PTPRR: variants seen among roughly 807,000 people sequenced by gnomAD.
PTPRR encodes the protein protein tyrosine phosphatase receptor type R, also known as receptor-type tyrosine-protein phosphatase R.
A neutral mutation model predicts 77.2 loss-of-function variants in PTPRR; 38 were observed. The ratio of observed to expected loss-of-function variants is 0.49; its 90% CI spans 0.38 to 0.65. PTPRR has a LOEUF of 0.65. Among genes scored for constraint, PTPRR ranks in the 30% least tolerant of loss-of-function variants. The probability of loss-of-function intolerance (pLI) is 0.00; values close to 1 mark genes in which losing one functional copy is unlikely to be tolerated. For missense variants in PTPRR, 744 were observed against 799.2 expected, an observed-to-expected ratio of 0.93 and a Z score of 0.83; for synonymous variants, 299 against 283.1, an observed-to-expected ratio of 1.06 and a Z score of -0.57.
intron 6 of PTPRR, among the ~76,000 whole-genome samples, chr12:70,707,403 G>T (rs2097065269): frequency 6.6e-6 from 1 of 151,074 alleles, no homozygotes; most frequent in South Asian, 2.1e-4. Flanking sequence ...CAGAACCATT[G>T]CATATGATTT....
chr12:70,881,798 C>A (rs941343151), intron 2 of PTPRR, among the ~76,000 whole-genome samples: 1 of 152,110 alleles, frequency 6.6e-6, no homozygotes. Context: ...TGACAACATG[C>A]GTGTTTGTAT....
intron 2 of PTPRR, among the ~76,000 whole-genome samples, chr12:70,844,017 T>C (rs937669279): frequency 2.6e-5 from 4 of 151,926 alleles, no homozygotes; most frequent in Non-Finnish European, 5.9e-5. Context: ...GGTTTCATCA[T>C]GTTGGCCAGG....
chr12:70,903,266 A>G lies in PTPRR; in HGVS notation c.59-10289T>C, dbSNP rs534053280. On this transcript the variant is annotated intron_variant, in intron 1 of 13. Coordinates refer to ENST00000283228, the MANE Select transcript of PTPRR (RefSeq NM_002849.4). Reference sequence around the variant, plus strand: ...CATAAATTTGAAATGTCTCACCACAAAAATGCTAAACAAGTGAGGTGATAA... The same window carrying G: ...CATAAATTTGAAATGTCTCACCACAGAAATGCTAAACAAGTGAGGTGATAA... Among the ~76,000 whole-genome samples the G allele has an allele frequency of 1.4e-3, 220 of 152,012 alleles. 1 individual carries two copies. Among genetic ancestry groups the G allele is most frequent in the Non-Finnish European group, 2.5e-3 (170 of 67,844 alleles).
intron 2 of PTPRR, 110 bp from the exon 3 acceptor site, chr12:70,764,888 A>C (rs1466424001): frequency 1.6e-5 from 12 of 733,548 alleles, no homozygotes; most frequent in African/African-American, 3.5e-5. Flanking sequence ...TTCTTGACTC[A>C]TGACTGACCA....
rs373864225 is a variant in PTPRR, at chr12:70,892,898, A to G, written c.138T>C (p.His46=). ...KSGKPVFIYK[H]SQDIEKSLDI... is the part of the protein sequence containing the mutation. ...CCAGGCTCTTCTCAATGTCTTGTGA[A>G]TGCTTATAAATGAATACCGGCTTCC... is the stretch of plus-strand genomic sequence containing the variant. Residue 46 remains histidine, a synonymous_variant, in exon 2 of 14, where the codon CAT becomes CAC. Coordinates refer to ENST00000283228, the MANE Select transcript of PTPRR (RefSeq NM_002849.4). The G allele has an allele frequency of 3.2e-5, 52 of 1,613,468 alleles. No individual in the cohort carries two copies. Among genetic ancestry groups the G allele is most frequent in the Admixed American group, 1.0e-4 (6 of 59,930 alleles).
intron 2 of PTPRR, among the ~76,000 whole-genome samples, chr12:70,780,140 C>T (rs1229551224): frequency 1.3e-5 from 2 of 152,002 alleles, no homozygotes; most frequent in African/African-American, 2.4e-5. Flanking sequence ...TGCAGGTGCC[C>T]GCCACCATGC....
At chr12:70,757,232 T>C (rs1890584187) in intron 4 of PTPRR, among the ~76,000 whole-genome samples, 1 of 152,200 alleles carries the variant, frequency 6.6e-6, no homozygotes, top group African/African-American at 2.4e-5. Flanking sequence ...TTCATGAAGG[T>C]ATCAGTTAGC....
chr12:70,891,103 A>T (rs978319853), intron 2 of PTPRR, among the ~76,000 whole-genome samples: 1 of 152,078 alleles, frequency 6.6e-6, no homozygotes, highest in Non-Finnish European at 1.5e-5. Context: ...AATGCAGCAA[A>T]ATTGCCTATT....
At chr12:70,765,583 G>C (rs1214039418) in intron 2 of PTPRR, among the ~76,000 whole-genome samples, 1 of 152,174 alleles carries the variant, frequency 6.6e-6, no homozygotes, top group Non-Finnish European at 1.5e-5. Context: ...CTGGGGGCAG[G>C]GCACAGACAA....
At chr12:70,783,330 T>C (rs1010597771) in intron 2 of PTPRR, among the ~76,000 whole-genome samples, 5 of 152,000 alleles carry the variant, frequency 3.3e-5, no homozygotes, top group African/African-American at 1.2e-4. Flanking sequence ...TGCAGACATC[T>C]ACTGCTCTCA....
intron 2 of PTPRR, among the ~76,000 whole-genome samples, chr12:70,862,548 C>A (rs1041713442): frequency 1.9e-4 from 25 of 130,268 alleles, no homozygotes; most frequent in Non-Finnish European, 9.2e-5. Context: ...AATGAGAACA[C>A]ATGGACACAG....
intron 6 of PTPRR, among the ~76,000 whole-genome samples, chr12:70,729,242 T>C (rs1889566422): frequency 6.6e-6 from 1 of 152,222 alleles, no homozygotes; most frequent in Non-Finnish European, 1.5e-5. Context: ...TATATTTAAA[T>C]ATGTTATACA....
chr12:70,794,245 A>G (rs533283401), intron 2 of PTPRR, among the ~76,000 whole-genome samples: 3 of 152,356 alleles, frequency 2.0e-5, no homozygotes, highest in Admixed American at 2.0e-4. Context: ...TGCCAAAAAT[A>G]CAGACCTAAT....
chr12:70,790,085 G>A (rs1430026061), intron 2 of PTPRR, among the ~76,000 whole-genome samples: 1 of 151,980 alleles, frequency 6.6e-6, no homozygotes, highest in Non-Finnish European at 1.5e-5. Context: ...CTTTCTACTA[G>A]ATTTTTCTAA....
intron 11 of PTPRR, among the ~76,000 whole-genome samples, 156 bp downstream of exon 11, chr12:70,662,339 C>CA (rs1396754878): frequency 7.9e-5 from 12 of 152,178 alleles, no homozygotes; most frequent in African/African-American, 2.9e-4. Flanking sequence ...TAGTTGACAA[C>CA]AAAAAATACA....
intron 2 of PTPRR, among the ~76,000 whole-genome samples, chr12:70,783,134 G>A (rs1891239438): frequency 6.6e-6 from 1 of 152,148 alleles, no homozygotes; most frequent in African/African-American, 2.4e-5. Flanking sequence ...CCTGCATTCA[G>A]GAAGAATGAG....
intron 6 of PTPRR, among the ~76,000 whole-genome samples, chr12:70,723,714 T>G (rs868851362): frequency 2.0e-5 from 3 of 152,206 alleles, no homozygotes; most frequent in Non-Finnish European, 2.9e-5. Context: ...CCTTTTTGTT[T>G]TTTTTAAAGA....
At chr12:70,903,875 A>G (rs1893580293) in intron 1 of PTPRR, among the ~76,000 whole-genome samples, 1 of 151,922 alleles carries the variant, frequency 6.6e-6, no homozygotes, top group Admixed American at 6.6e-5. Context: ...AGAACTCTCA[A>G]AACTCAACAA....
At chr12:70,755,143 A>G (rs1650984141) in intron 4 of PTPRR, among the ~76,000 whole-genome samples, 1 of 152,296 alleles carries the variant, frequency 6.6e-6, no homozygotes, top group South Asian at 2.1e-4. Flanking sequence ...GACAGTATAG[A>G]TTTATAGTTA....
Sources: allele counts gnomAD v4.1 joint callset (sites outside exome capture counted in the v4.1 genomes callset), GRCh38; gene constraint gnomAD v4.1.1; transcripts MANE v1.5; gene names NCBI Gene and HGNC (gene_info 2026-07-23, HGNC 2026-07-21).